The following MPDZ variants were observed in gnomAD, a reference collection of about 807,000 sequenced individuals.
The protein encoded by MPDZ is multiple PDZ domain protein.
Under a neutral mutation model 239.1 loss-of-function variants are expected in MPDZ, and 234 were observed. That is an observed-to-expected ratio of 0.98 (90% CI 0.88 to 1.09). The LOEUF is 1.09. Ranked by LOEUF, MPDZ falls within the 50% of genes least tolerant of loss-of-function variation. The probability of loss-of-function intolerance (pLI) is 0.00; values close to 1 mark genes in which losing one functional copy is unlikely to be tolerated. For synonymous variants in MPDZ, 1,048 were observed against 881.3 expected, an observed-to-expected ratio of 1.19 and a Z score of -3.35; for missense variants, 3,175 against 2,510.0, an observed-to-expected ratio of 1.26 and a Z score of -5.66.
intron 3 of MPDZ, among the ~76,000 whole-genome samples, chr9:13,229,465 C>G: frequency 6.6e-6 from 1 of 151,324 alleles, no homozygotes; most frequent in East Asian, 1.9e-4. Context: ...ATAAGACCAA[C>G]AGCTGACTTC....
At chr9:13,179,077 T>C (rs1952918888) in intron 19 of MPDZ, among the ~76,000 whole-genome samples, 1 of 152,174 alleles carries the variant, frequency 6.6e-6, no homozygotes, top group African/African-American at 2.4e-5. Context: ...ATGTGACTTA[T>C]TATCTCTCTA....
chr9:13,278,656 G>C (rs985823587), intron 1 of MPDZ, among the ~76,000 whole-genome samples: 4 of 152,158 alleles, frequency 2.6e-5, no homozygotes, highest in African/African-American at 9.6e-5. Context: ...CAGCGCGGGG[G>C]GTGAGGAGAC....
intron 10 of MPDZ, among the ~76,000 whole-genome samples, chr9:13,208,935 G>A (rs1957306094): frequency 6.6e-6 from 1 of 151,946 alleles, no homozygotes; most frequent in Non-Finnish European, 1.5e-5. Context: ...TAACAAAATA[G>A]AACAGAGAAA....
chr9:13,144,962 T>C (rs1044950612), intron 26 of MPDZ, among the ~76,000 whole-genome samples: 3 of 152,082 alleles, frequency 2.0e-5, no homozygotes, highest in Non-Finnish European at 4.4e-5. Context: ...CTAATCTCCA[T>C]ACATTGGACT....
chr9:13,268,213 A>G (rs1173968595), intron 1 of MPDZ, among the ~76,000 whole-genome samples: 1 of 151,792 alleles, frequency 6.6e-6, no homozygotes, highest in African/African-American at 2.4e-5. Flanking sequence ...GATGGTACTT[A>G]TAATACATCC....
Position 13,161,381 on chromosome 9 carries a change from C to T in MPDZ, c.3359+1310G>A, listed in dbSNP as rs1427375722. ...GGTCAGGAGTTCAAGACCAGCCTGG[C>T]CAACATGGTGAAACCTCATCTCTAC... is the stretch of plus-strand genomic sequence containing the variant. On this transcript the variant is annotated intron_variant, in intron 23 of 46. Coordinates refer to ENST00000319217, the MANE Select transcript of MPDZ (RefSeq NM_001378778.1). 2.0e-5 allele frequency among the ~76,000 whole-genome samples: 3 copies of T among 152,006 alleles called. No individual in the cohort carries two copies. The East Asian group carries it at 5.8e-4, about 30-fold the overall frequency.
chr9:13,188,701 T>G, intron 17 of MPDZ, 83 bp downstream of exon 17: 158 of 1,187,498 alleles, frequency 1.3e-4, no homozygotes, highest in Middle Eastern at 2.1e-4. Context: ...GATTCAATCA[T>G]GAGAACACCT....
chr9:13,264,329 G>A (rs972093563), intron 1 of MPDZ, among the ~76,000 whole-genome samples: 3 of 152,056 alleles, frequency 2.0e-5, no homozygotes, highest in South Asian at 4.1e-4. Context: ...AATATTAGCA[G>A]ATTCATATCC....
chr9:13,111,154 A>G (rs1415436185), intron 43 of MPDZ, among the ~76,000 whole-genome samples: 1 of 152,248 alleles, frequency 6.6e-6, no homozygotes, highest in East Asian at 1.9e-4. Context: ...AATTTGGCCC[A>G]CTGCCTGTTT....
intron 1 of MPDZ, among the ~76,000 whole-genome samples, chr9:13,253,976 G>A (rs750643001): frequency 2.0e-4 from 30 of 152,176 alleles, no homozygotes; most frequent in Non-Finnish European, 4.3e-4. Context: ...AGGCCACATC[G>A]CTAGTAAGTG....
intron 35 of MPDZ, 51 bp from the exon 36 acceptor site, chr9:13,123,349 T>C (rs1944650943): frequency 1.3e-6 from 2 of 1,499,252 alleles, no homozygotes; most frequent in Non-Finnish European, 9.1e-7. Flanking sequence ...TACTAAGGCA[T>C]ATCCATCAAA....
intron 23 of MPDZ, among the ~76,000 whole-genome samples, chr9:13,161,219 G>A (rs1438799135): frequency 6.6e-6 from 1 of 151,940 alleles, no homozygotes; most frequent in Non-Finnish European, 1.5e-5. Flanking sequence ...AGATCACAAT[G>A]AATGCAAGGT....
At chr9:13,230,389 T>A (rs1962032341) in intron 3 of MPDZ, among the ~76,000 whole-genome samples, 1 of 152,078 alleles carries the variant, frequency 6.6e-6, no homozygotes, top group African/African-American at 2.4e-5. Context: ...AGTGAAAAAT[T>A]GGAAACAAAA....
At position 13,188,905 on chromosome 9, in the gene MPDZ, C is replaced by A. The variant is rs1368499597; in HGVS notation, c.2243G>T (p.Gly748Val). The A allele has an allele frequency of 3.1e-6, 5 of 1,613,418 alleles. No homozygotes were observed. The highest frequency in any genetic ancestry group is 1.3e-5 in the African/African-American group (1 of 74,884). The change falls in exon 17 of 47, where the codon GGT becomes GTT. Residue 748 changes from glycine to valine, a missense_variant. Physicochemically the swap from Gly to Val is moderately radical, Grantham distance 109. Coordinates refer to ENST00000319217, the MANE Select transcript of MPDZ (RefSeq NM_001378778.1). ...ATCGTTTACAAACATGAGTCGGTCA[C>A]CAGGAAGAAGTCGTCCATCCTTTTC... ...IAEKDGRLLP[G>V]DRLMFVNDVN...
At chr9:13,154,369 G>A (rs1244636362) in intron 24 of MPDZ, among the ~76,000 whole-genome samples, 2 of 152,114 alleles carry the variant, frequency 1.3e-5, no homozygotes, top group Non-Finnish European at 2.9e-5. Flanking sequence ...TTATACATAG[G>A]TTTAAAAAGA....
At chr9:13,180,667 T>G (rs2134377873) in intron 19 of MPDZ, among the ~76,000 whole-genome samples, 1 of 152,264 alleles carries the variant, frequency 6.6e-6, no homozygotes, top group South Asian at 2.1e-4. Context: ...AGTAAAATGA[T>G]TAACCAAAGA....
chr9:13,208,371 A>T lies in MPDZ; in HGVS notation c.1291-2272T>A, dbSNP rs191205129. ...AGTTGAGAGGATCACTTAAGCCCAG[A>T]AGGTTCAAAAGGCTGCAGTGAGCCA... On this transcript the variant is annotated intron_variant, in intron 10 of 46. Coordinates refer to ENST00000319217, the MANE Select transcript of MPDZ (RefSeq NM_001378778.1). Among the ~76,000 whole-genome samples the T allele has an allele frequency of 1.6e-3, 236 of 152,000 alleles. 3 individuals are homozygous for T. Among genetic ancestry groups the T allele is most frequent in the Admixed American group, 0.015 (233 of 15,260 alleles).
intron 1 of MPDZ, among the ~76,000 whole-genome samples, chr9:13,277,126 C>T (rs1974398587): frequency 6.6e-6 from 1 of 152,114 alleles, no homozygotes; most frequent in Admixed American, 6.5e-5. Flanking sequence ...GGAAAGATGT[C>T]TTTAAGGGTC....
chr9:13,127,409 T>C (rs1945282139), intron 32 of MPDZ, among the ~76,000 whole-genome samples: 1 of 152,246 alleles, frequency 6.6e-6, no homozygotes, highest in African/African-American at 2.4e-5. Flanking sequence ...CACATTTCCC[T>C]TTATCAAAAC....
Sources: gnomAD v4.1 joint callset for allele counts (sites outside exome capture counted in the v4.1 genomes callset) on GRCh38, gnomAD v4.1.1 for gene constraint, MANE v1.5 for transcripts, NCBI Gene and HGNC (gene_info 2026-07-23, HGNC 2026-07-21) for gene names.